The following EXOC4 variants were observed in gnomAD, a reference collection of about 807,000 sequenced individuals.
The protein encoded by EXOC4 is exocyst complex component 4.
EXOC4 carries 71 observed loss-of-function variants against 107.2 expected under a neutral mutation model. That is an observed-to-expected ratio of 0.66 (90% confidence interval 0.55 to 0.81). EXOC4 has a LOEUF of 0.81. EXOC4 is among the 30% of genes least tolerant of loss of function. The pLI is 0.00. For missense variants in EXOC4, 1,108 were observed against 1,189.6 expected (o/e 0.93, Z 1.01); for synonymous variants, 456 against 441.2 (o/e 1.03, Z -0.42).
intron 9 of EXOC4, among the ~76,000 whole-genome samples, chr7:133,597,065 C>G (rs1189547682): frequency 1.3e-5 from 2 of 152,138 alleles, no homozygotes; most frequent in Non-Finnish European, 2.9e-5. Flanking sequence ...GCCAGATTGT[C>G]CAGATCAAGT....
intron 13 of EXOC4, among the ~76,000 whole-genome samples, chr7:133,922,705 G>A (rs536643043): frequency 4.9e-4 from 75 of 152,144 alleles, no homozygotes; most frequent in African/African-American, 1.7e-3. Context: ...AAAATTAGCC[G>A]GGTGTGGTGG....
At chr7:134,002,627 CAAAA>C (rs1007447172) in intron 15 of EXOC4, among the ~76,000 whole-genome samples, 4 of 151,960 alleles carry the variant, frequency 2.6e-5, no homozygotes, top group African/African-American at 9.7e-5. Context: ...AATAAGAAAA[CAAAA>C]AACCCAATTT....
intron 3 of EXOC4, among the ~76,000 whole-genome samples, chr7:133,298,463 G>T (rs995262955): frequency 6.6e-6 from 1 of 152,184 alleles, no homozygotes; most frequent in Non-Finnish European, 1.5e-5. Flanking sequence ...CTTGTTAAAA[G>T]AGAATGGCTT....
intron 9 of EXOC4, among the ~76,000 whole-genome samples, chr7:133,571,172 G>C (rs1298016181): frequency 6.6e-6 from 1 of 152,176 alleles, no homozygotes; most frequent in Non-Finnish European, 1.5e-5. Flanking sequence ...ATCATGTAAT[G>C]GTTTAGAGGA....
At chr7:133,536,227 A>C (rs966078332) in intron 9 of EXOC4, among the ~76,000 whole-genome samples, 1 of 152,200 alleles carries the variant, frequency 6.6e-6, no homozygotes, top group Admixed American at 6.5e-5. Flanking sequence ...ATGGTCCCTT[A>C]CTCAGAATAA....
chr7:134,032,531 C>G (rs1386762159), intron 17 of EXOC4, among the ~76,000 whole-genome samples: 1 of 152,232 alleles, frequency 6.6e-6, no homozygotes, highest in African/African-American at 2.4e-5. Context: ...CATTCATTAT[C>G]ACCCTCACAG....
chr7:134,052,911 T>A (rs149603081), intron 17 of EXOC4, among the ~76,000 whole-genome samples: 1 of 152,322 alleles, frequency 6.6e-6, no homozygotes, highest in East Asian at 1.9e-4. Flanking sequence ...CGGAGTTACA[T>A]CAGAATAACC....
intron 9 of EXOC4, among the ~76,000 whole-genome samples, chr7:133,545,434 A>G (rs1356056372): frequency 2.6e-5 from 4 of 152,168 alleles, no homozygotes; most frequent in African/African-American, 9.6e-5. Context: ...GATATCAAGA[A>G]AACTGGATAC....
intron 10 of EXOC4, among the ~76,000 whole-genome samples, chr7:133,719,997 T>C (rs1482323210): frequency 6.6e-6 from 1 of 152,202 alleles, no homozygotes; most frequent in Non-Finnish European, 1.5e-5. Context: ...TGATTGATTA[T>C]ATATGATTGT....
At chr7:133,904,606 CAG>C (rs1167786934) in intron 12 of EXOC4, among the ~76,000 whole-genome samples, 1 of 152,166 alleles carries the variant, frequency 6.6e-6, no homozygotes, top group Non-Finnish European at 1.5e-5. Context: ...TGTCACATCT[CAG>C]GGGATTATCT....
At chr7:133,936,953 G>T (rs182565298) in intron 13 of EXOC4, among the ~76,000 whole-genome samples, 4 of 152,136 alleles carry the variant, frequency 2.6e-5, no homozygotes, top group Non-Finnish European at 5.9e-5. Context: ...GAGCCACTGC[G>T]CCCGGCCTTC....
chr7:133,755,264 TTA>T (rs570842939), intron 10 of EXOC4, among the ~76,000 whole-genome samples: 1,059 of 94,238 alleles, frequency 0.011, 7 homozygotes, highest in Middle Eastern at 0.032. Flanking sequence ...TATATATATA[TTA>T]TATATATTAT....
intron 10 of EXOC4, among the ~76,000 whole-genome samples, chr7:133,660,938 G>A (rs1803425598): frequency 6.6e-6 from 1 of 152,130 alleles, no homozygotes; most frequent in Admixed American, 6.5e-5. Flanking sequence ...ACAGTCATTT[G>A]ATATTTTAAA....
In EXOC4 at chr7:133,997,607, C is replaced by G; in HGVS notation, c.2322C>G (p.Cys774Trp). Reference protein sequence around the residue: ...AKSFQDMADRCLLVLHLEVRV... With the variant: ...AKSFQDMADRWLLVLHLEVRV... ...CGTTCCAGGATATGGCTGACCGCTG[C>G]TTGCTTGTCTTACATCTGGAAGTGA... Residue 774 changes from cysteine (C) to tryptophan (W), a missense_variant, in exon 15 of 18, where the codon TGC (cysteine) becomes TGG (tryptophan). Coordinates refer to ENST00000253861, the MANE Select transcript of EXOC4 (RefSeq NM_021807.4). The G allele has an allele frequency of 1.2e-6, 2 of 1,613,474 alleles. No individual in the cohort carries two copies. Among genetic ancestry groups the G allele is most frequent in the South Asian group, 2.2e-5 (2 of 91,024 alleles).
intron 11 of EXOC4, among the ~76,000 whole-genome samples, chr7:133,844,562 G>A (rs186365695): frequency 2.6e-5 from 4 of 151,504 alleles, no homozygotes; most frequent in Non-Finnish European, 5.9e-5. Flanking sequence ...GCTAATTTTT[G>A]TATGTTTAGT....
rs201939705 is a variant in EXOC4 at position 133,979,583 on chromosome 7, C to T, written c.2207-17909C>T. Among the ~76,000 whole-genome samples the T allele has an allele frequency of 2.1e-4, 32 of 152,158 alleles. No individual in the cohort carries two copies. The East Asian group carries it at 4.1e-3, about 19-fold the overall frequency. On this transcript the variant is annotated intron_variant, in intron 14 of 17. Coordinates refer to ENST00000253861, the MANE Select transcript of EXOC4 (RefSeq NM_021807.4). ...CAGGTGGATCACAAGGTCAAGAGAT[C>T]GAGATCATCCTGGCTAACATGGCAA...
chr7:133,643,943 G>A (rs558766717), intron 10 of EXOC4, among the ~76,000 whole-genome samples: 1 of 152,242 alleles, frequency 6.6e-6, no homozygotes, highest in South Asian at 2.1e-4. Context: ...GTGGTAAAAG[G>A]CCAGAGGTCT....
rs144617842 is a variant in EXOC4 at position 133,292,706 on chromosome 7, G to A, written c.471+3590G>A. On this transcript the variant is annotated intron_variant, in intron 3 of 17. Transcript: ENST00000253861. ...TCTTTATGTTTCCATAAGCTCATAT[G>A]TTTCATTTTAATATAATTCCTTTTG... Among the ~76,000 whole-genome samples, 111 of 152,222 alleles carry A rather than the reference G, an allele frequency of 7.3e-4. 1 individual carries two copies. Among genetic ancestry groups the A allele is most frequent in the Admixed American group, 6.5e-3 (99 of 15,290 alleles).
At chr7:133,780,600 G>A (rs1367345047) in intron 10 of EXOC4, among the ~76,000 whole-genome samples, 1 of 152,134 alleles carries the variant, frequency 6.6e-6, no homozygotes, top group Non-Finnish European at 1.5e-5. Flanking sequence ...AATGATTCCT[G>A]GGAGAGATGT....
Sources: allele counts gnomAD v4.1 joint callset (sites outside exome capture counted in the v4.1 genomes callset), GRCh38; gene constraint gnomAD v4.1.1; transcripts MANE v1.5; gene names NCBI Gene and HGNC (gene_info 2026-07-23, HGNC 2026-07-21).